The following PTGER3 variants were observed in gnomAD, a reference collection of about 807,000 sequenced individuals.
PTGER3 encodes prostaglandin E2 receptor EP3 subtype.
Under a neutral mutation model 34.7 loss-of-function variants are expected in PTGER3, and 22 were observed. That is an observed-to-expected ratio of 0.63 (90% CI 0.45 to 0.91). PTGER3 has a LOEUF of 0.91. PTGER3 is among the 40% of genes least tolerant of loss of function. The pLI is 0.00. For synonymous variants in PTGER3, 241 were observed against 230.1 expected, an observed-to-expected ratio of 1.05 and a Z score of -0.43; for missense variants, 468 against 519.4, an observed-to-expected ratio of 0.90 and a Z score of 0.96.
intron 4 of PTGER3, among the ~76,000 whole-genome samples, chr1:70,900,552 A>C (rs926685967): frequency 1.8e-4 from 27 of 152,158 alleles, no homozygotes; most frequent in Non-Finnish European, 1.0e-4. Context: ...ATGAATTTAG[A>C]GCGGAAAGAG....
intron 2 of PTGER3, chr1:71,009,579 A>G: frequency 1.0e-6 from 1 of 985,084 alleles, no homozygotes; most frequent in Non-Finnish European, 1.2e-6. Flanking sequence ...CATAGTATAT[A>G]AATTCATTGT....
chr1:70,853,868 G>A (rs751840517), intron 4 of PTGER3, among the ~76,000 whole-genome samples: 9 of 152,022 alleles, frequency 5.9e-5, no homozygotes, highest in Non-Finnish European at 1.2e-4. Context: ...CCATACAATG[G>A]GCTTAAAGGG....
chr1:70,855,854 C>A (rs1383195739), intron 4 of PTGER3, among the ~76,000 whole-genome samples: 6 of 152,082 alleles, frequency 3.9e-5, no homozygotes, highest in Admixed American at 1.3e-4. Flanking sequence ...TTAACTAGTC[C>A]AGTGAGACCA....
chr1:70,932,709 C>T (rs965998620), intron 4 of PTGER3, among the ~76,000 whole-genome samples: 9 of 152,274 alleles, frequency 5.9e-5, no homozygotes, highest in African/African-American at 2.2e-4. Flanking sequence ...CCTCCCACAA[C>T]ACGTGGGAAT....
At position 70,902,067 on chromosome 1, in the gene PTGER3, G is replaced by A. The variant is rs559893895; in HGVS notation, c.*24-49208C>T. Among the ~76,000 whole-genome samples, 165 of 151,864 alleles carry A rather than the reference G, an allele frequency of 1.1e-3. 1 individual carries two copies. In the Middle Eastern group the frequency reaches 0.027, roughly 25 times the overall value. On this transcript the variant is annotated intron_variant, in intron 4 of 4. Coordinates refer to the PTGER3 transcript ENST00000370931. ...CAGTGAAGGTATAGACTCTCCACCC[G>A]AAAAAAATATATTTTCACAGAAGAA...
At chr1:70,982,352 C>CA (rs1654463679) in intron 2 of PTGER3, among the ~76,000 whole-genome samples, 1 of 152,122 alleles carries the variant, frequency 6.6e-6, no homozygotes, top group South Asian at 2.1e-4. Flanking sequence ...TTCCACCCCC[C>CA]AGGCTGTTGG....
At chr1:70,954,115 A>G (rs1430383385) in intron 2 of PTGER3, among the ~76,000 whole-genome samples, 1 of 152,108 alleles carries the variant, frequency 6.6e-6, no homozygotes, top group African/African-American at 2.4e-5. Context: ...TGCTCCCAGG[A>G]AAGTATATAG....
rs140919282 is a variant in PTGER3 at position 71,046,874 on chromosome 1, G to A, written c.704C>T (p.Ala235Val). 14 of 1,613,712 alleles carry A rather than the reference G, an allele frequency of 8.7e-6. 1 individual carries two copies. The highest frequency in any genetic ancestry group is 7.7e-5 in the South Asian group (7 of 91,006). ...TGTCAGCGCCAAGAGCCCCAGGAAG[G>A]CAAAGGCAGAGGCGAAGAAAAGGTT... is the stretch of plus-strand genomic sequence containing the variant. ...WGNLFFASAF[A>V]FLGLLALTVT... is the part of the protein sequence containing the mutation. Residue 235 changes from alanine (A) to valine (V), a missense_variant, in exon 1 of 4, where the codon GCC (alanine) becomes GTC (valine). Ala to Val is a moderately conservative substitution (Grantham distance 64). This residue lies in a region of PTGER3 where 204 missense variants were observed against 230.8 expected (regional missense o/e 0.88). Coordinates refer to ENST00000306666, the MANE Select transcript of PTGER3 (RefSeq NM_198719.2).
intron 4 of PTGER3, among the ~76,000 whole-genome samples, chr1:70,864,545 A>G (rs761329127): frequency 1.3e-5 from 2 of 152,232 alleles, no homozygotes; most frequent in Non-Finnish European, 2.9e-5. Context: ...CCAGAGATTC[A>G]GTCATTCCTC....
At chr1:71,025,334 T>C (rs1343832043) in intron 1 of PTGER3, among the ~76,000 whole-genome samples, 2 of 151,886 alleles carry the variant, frequency 1.3e-5, no homozygotes, top group African/African-American at 4.8e-5. Flanking sequence ...GGCTGGTAAG[T>C]TGGGGTTATA....
At chr1:70,980,905 C>T (rs991359713) in intron 2 of PTGER3, among the ~76,000 whole-genome samples, 51 of 152,118 alleles carry the variant, frequency 3.4e-4, no homozygotes, top group African/African-American at 9.7e-4. Context: ...CAAGCTCAAG[C>T]AATAGGTTAG....
At chr1:71,005,555 G>C (rs1656879408) in intron 2 of PTGER3, among the ~76,000 whole-genome samples, 1 of 152,122 alleles carries the variant, frequency 6.6e-6, no homozygotes, top group Non-Finnish European at 1.5e-5. Flanking sequence ...AATTCACTGA[G>C]AGCTTGCTGT....
intron 4 of PTGER3, among the ~76,000 whole-genome samples, chr1:70,879,944 T>A (rs542815645): frequency 6.6e-6 from 1 of 152,052 alleles, no homozygotes; most frequent in Non-Finnish European, 1.5e-5. Flanking sequence ...AATATAAAAA[T>A]TAGCTGGGCG....
At chr1:70,889,868 CTTT>C (rs200848374) in intron 4 of PTGER3, among the ~76,000 whole-genome samples, 15 of 144,150 alleles carry the variant, frequency 1.0e-4, no homozygotes, top group Non-Finnish European at 2.3e-4. Context: ...GGACAGTTTA[CTTT>C]TTTTTTTTTT....
intron 4 of PTGER3, among the ~76,000 whole-genome samples, chr1:70,861,382 A>G (rs1301053156): frequency 6.6e-6 from 1 of 152,198 alleles, no homozygotes; most frequent in Non-Finnish European, 1.5e-5. Flanking sequence ...TTAACATTCA[A>G]AGTTTAATAA....
At chr1:70,927,190 C>G (rs1012622254) in intron 4 of PTGER3, among the ~76,000 whole-genome samples, 12 of 152,202 alleles carry the variant, frequency 7.9e-5, no homozygotes, top group African/African-American at 2.9e-4. Flanking sequence ...ATGATGCTGG[C>G]CTCATAAAAT....
At chr1:70,855,826 T>C (rs1309877698) in intron 4 of PTGER3, among the ~76,000 whole-genome samples, 1 of 152,148 alleles carries the variant, frequency 6.6e-6, no homozygotes, top group Non-Finnish European at 1.5e-5. Context: ...TTCTCAATTA[T>C]CTGGAGAGAC....
rs552080278 is a variant in PTGER3, at chr1:70,875,811, T to TA, written c.*24-22953dup. Among the ~76,000 whole-genome samples, 576 of 152,318 alleles carry TA rather than the reference T, an allele frequency of 3.8e-3. 6 individuals carry two copies. The highest frequency in any genetic ancestry group is 0.013 in the African/African-American group (549 of 41,554). ...GTAAAGGACATGATCTAGTTCTTTT[T>TA]ATGGCTGTGTAATATGTTGTATATC... On this transcript the variant is annotated intron_variant, in intron 4 of 4. Transcript: ENST00000370931.
Position 70,990,227 on chromosome 1 carries a change from G to T in PTGER3, c.1078-15839C>A, listed in dbSNP as rs567330932. ...AAAAAATTAGCCAGGCGTGGTGGCG[G>T]GCACCTGTAGTCCCAGCTACTCGGG... On this transcript the variant is annotated intron_variant, in intron 2 of 3. Transcript: ENST00000306666. 6.0e-5 allele frequency among the ~76,000 whole-genome samples: 9 copies of T among 151,040 alleles called. No individual in the cohort carries two copies. The East Asian group carries it at 1.8e-3, about 30-fold the overall frequency.
Sources: allele counts gnomAD v4.1 joint callset (sites outside exome capture counted in the v4.1 genomes callset), GRCh38; gene constraint gnomAD v4.1.1; regional missense constraint gnomAD v4.1.1; transcripts MANE v1.5; gene names NCBI Gene and HGNC (gene_info 2026-07-23, HGNC 2026-07-21).